HVCN1: variants seen among roughly 807,000 people sequenced by gnomAD.
HVCN1 encodes hydrogen voltage gated channel 1.
HVCN1 carries 14 observed loss-of-function variants against 29.2 expected under a neutral mutation model. The ratio of observed to expected loss-of-function variants is 0.48; its 90% CI spans 0.32 to 0.75. HVCN1 has a LOEUF of 0.75. HVCN1 is among the 30% of genes least tolerant of loss of function. HVCN1 has a pLI of 0.04. For synonymous variants in HVCN1, 131 were observed against 133.2 expected, an observed-to-expected ratio of 0.98 and a Z score of 0.11; for missense variants, 263 against 341.8, an observed-to-expected ratio of 0.77 and a Z score of 1.82.
intron 1 of HVCN1, 123 bp from the exon 2 acceptor site, chr12:110,688,831 A>G (rs11829358): frequency 0.12 from 18,702 of 152,496 alleles, 1,393 homozygotes; most frequent in African/African-American, 0.2. Context: ...CACTAGGGCC[A>G]GCGTCTCCCG....
At chr12:110,690,501 C>T (rs549210829), upstream of HVCN1, among the ~76,000 whole-genome samples, 18 of 152,078 alleles carry the variant, frequency 1.2e-4, no homozygotes, top group African/African-American at 3.6e-4. Context: ...TTTTTTGGAA[C>T]GGAGTCTCAC....
At chr12:110,701,980 T>G (rs1344747563) in intron 2 of HVCN1, among the ~76,000 whole-genome samples, 1 of 149,164 alleles carries the variant, frequency 6.7e-6, no homozygotes, top group African/African-American at 2.5e-5. Context: ...AGTTTCACTC[T>G]TGTTGCCCAG....
chr12:110,654,645 CT>C (rs1235512105), intron 5 of HVCN1, among the ~76,000 whole-genome samples: 1 of 151,782 alleles, frequency 6.6e-6, no homozygotes, highest in Non-Finnish European at 1.5e-5. Context: ...CGCCCAGCTA[CT>C]TTTTTGTACT....
chr12:110,704,862 T>C (rs2069591369), intron 1 of HVCN1: 1 of 152,250 alleles, frequency 6.6e-6, no homozygotes, highest in Non-Finnish European at 1.5e-5. Context: ...TAGGGTCCAC[T>C]GAGCTCACTT....
Position 110,677,324 on chromosome 12 carries a change from C to T in HVCN1, c.21+5901G>A, listed in dbSNP as rs11065691. Among the ~76,000 whole-genome samples, 405 of 152,302 alleles carry T rather than the reference C, an allele frequency of 2.7e-3. 1 individual carries two copies. Among genetic ancestry groups the T allele is most frequent in the Non-Finnish European group, 4.4e-3 (298 of 68,026 alleles). ...CTCACCTCTGTCCCCACTCTGGCCA[C>T]ATTGAGCCTTTCATACTTGGCTGGT... On this transcript the variant is annotated intron_variant, in intron 3 of 7. Coordinates refer to ENST00000242607, the MANE Select transcript of HVCN1 (RefSeq NM_032369.4).
intron 5 of HVCN1, 23 bp from the exon 6 acceptor site, chr12:110,651,471 G>C (rs372611439): frequency 7.1e-6 from 11 of 1,539,216 alleles, no homozygotes; most frequent in Non-Finnish European, 9.9e-6. Context: ...AGGAACCACA[G>C]TCAGGGGAGA....
chr12:110,692,384 T>C (rs1193907019), upstream of HVCN1, among the ~76,000 whole-genome samples: 1 of 152,170 alleles, frequency 6.6e-6, no homozygotes, highest in Non-Finnish European at 1.5e-5. Flanking sequence ...CCTTTGTTCT[T>C]AGTGAGCTCC....
At chr12:110,700,655 C>T (rs542578232) in intron 2 of HVCN1, among the ~76,000 whole-genome samples, 136 of 152,112 alleles carry the variant, frequency 8.9e-4, no homozygotes, top group Middle Eastern at 6.8e-3. Flanking sequence ...TGCAGTGATG[C>T]GATTATGGCT....
rs138691202 is a variant in HVCN1, at chr12:110,654,397, A to G, written c.411+837T>C. On this transcript the variant is annotated intron_variant, in intron 5 of 7. Transcript: ENST00000242607. The stretch of plus-strand genomic sequence containing the variant: ...ATATTCTGCCGTTTTCACCACTTGC[A>G]AAGACATACATTTGCATATCAATTC... Among the ~76,000 whole-genome samples the G allele has an allele frequency of 6.8e-3, 1,040 of 152,204 alleles. 1 individual carries two copies. The highest frequency in any genetic ancestry group is 9.4e-3 in the Non-Finnish European group (639 of 68,008).
intron 3 of HVCN1, 33 bp downstream of exon 3, chr12:110,683,192 C>T (rs1593524885): frequency 6.2e-7 from 1 of 1,613,852 alleles, no homozygotes; most frequent in East Asian, 2.2e-5. Flanking sequence ...GCTGGGATAT[C>T]CTCTAATGCT....
In HVCN1 at chr12:110,651,393, A is replaced by G; in HGVS notation, c.467T>C (p.Phe156Ser). 1 of 1,614,054 alleles carries G rather than the reference A, an allele frequency of 6.2e-7. No homozygotes were observed. The stretch of plus-strand genomic sequence containing the variant: ...CTCCAGGCGGAAGACAAATAATTTA[A>G]AGATGATCTCCATCATAAAAAAGAC... ...ILVFFMMEII[F>S]KLFVFRLEFF... The change falls in exon 6 of 8, where the codon TTT (phenylalanine) becomes TCT (serine). Residue 156 changes from phenylalanine to serine, a missense_variant. Transcript: ENST00000242607.
intron 2 of HVCN1, among the ~76,000 whole-genome samples, chr12:110,696,101 C>T (rs149847972): frequency 0.016 from 2,387 of 151,770 alleles, 75 homozygotes; most frequent in African/African-American, 0.054. Flanking sequence ...TACAGGAGCC[C>T]GCCACCATGC....
intron 6 of HVCN1, among the ~76,000 whole-genome samples, chr12:110,650,831 C>T (rs2067779228): frequency 6.6e-6 from 1 of 151,668 alleles, no homozygotes; most frequent in African/African-American, 2.4e-5. Flanking sequence ...GTGGCTGGGA[C>T]TACATGTGTG....
At chr12:110,700,324 T>C (rs1173004969) in intron 2 of HVCN1, among the ~76,000 whole-genome samples, 1 of 152,122 alleles carries the variant, frequency 6.6e-6, no homozygotes, top group Admixed American at 6.5e-5. Flanking sequence ...AGGACTCCAA[T>C]GGGACTTAAA....
chr12:110,677,336 C>G (rs575245932), intron 3 of HVCN1, among the ~76,000 whole-genome samples: 1 of 152,326 alleles, frequency 6.6e-6, no homozygotes, highest in South Asian at 2.1e-4. Context: ...TTGAGCCTTT[C>G]ATACTTGGCT....
At chr12:110,682,349 G>A (rs2069012237) in intron 3 of HVCN1, among the ~76,000 whole-genome samples, 1 of 152,062 alleles carries the variant, frequency 6.6e-6, no homozygotes, top group Non-Finnish European at 1.5e-5. Flanking sequence ...ACAGGCGCAT[G>A]TCACCACGCC....
chr12:110,687,600 G>A lies in HVCN1; in HGVS notation c.-20+1025C>T, dbSNP rs144489042. On this transcript the variant is annotated intron_variant, in intron 2 of 7. Coordinates refer to ENST00000242607, the MANE Select transcript of HVCN1 (RefSeq NM_032369.4). The stretch of plus-strand genomic sequence containing the variant: ...ATGCTGGGGATTTGGATGGAAGTGA[G>A]GGGTCCAGCGTGATGAGGCGGCAAG... Among the ~76,000 whole-genome samples the A allele has an allele frequency of 3.1e-3, 469 of 152,242 alleles. 2 individuals carry two copies. Among genetic ancestry groups the A allele is most frequent in the African/African-American group, 0.01 (425 of 41,546 alleles).
intron 3 of HVCN1, among the ~76,000 whole-genome samples, chr12:110,679,916 G>C (rs1440263726): frequency 6.6e-6 from 1 of 151,812 alleles, no homozygotes; most frequent in African/African-American, 2.4e-5. Context: ...GGGGCAGAGA[G>C]GGGCTCTGAG....
chr12:110,659,133 T>TGCTTTGCTGCTTTCA (rs1049203867), intron 4 of HVCN1, among the ~76,000 whole-genome samples: 2 of 152,204 alleles, frequency 1.3e-5, no homozygotes, highest in East Asian at 1.9e-4. Context: ...TCAGCTGGCT[T>TGCTTTGCTGCTTTCA]GCTTTGCTGC....
Sources: gnomAD v4.1 joint callset for allele counts (sites outside exome capture counted in the v4.1 genomes callset) on GRCh38, gnomAD v4.1.1 for gene constraint, MANE v1.5 for transcripts, NCBI Gene and HGNC (gene_info 2026-07-23, HGNC 2026-07-21) for gene names.